The following PCM1 variants were observed in gnomAD, a reference collection of about 807,000 sequenced individuals.
PCM1 encodes the protein pericentriolar material 1, also known as pericentriolar material 1 protein.
A neutral mutation model predicts 241.9 loss-of-function variants in PCM1; 157 were observed. The observed-to-expected ratio is 0.65, with a 90% CI of 0.57 to 0.74. The LOEUF (loss-of-function observed/expected upper bound fraction) is 0.74, where lower values mean the gene tolerates loss of function less well. PCM1 is among the 30% of genes least tolerant of loss of function. PCM1 has a pLI of 0.00. For missense variants in PCM1, 3,478 were observed against 2,360.1 expected (o/e 1.47, Z -9.81); for synonymous variants, 1,085 against 784.9 (o/e 1.38, Z -6.39).
Position 17,960,747 on chromosome 8 carries a change from A to T in PCM1, c.2322+303A>T, listed in dbSNP as rs113094956. On this transcript the variant is annotated intron_variant, in intron 15 of 38. Coordinates refer to ENST00000325083, the MANE Select transcript of PCM1 (RefSeq NM_006197.4). ...CACAGTGTTAGCCAGGATGGTTTCGATCTCCTGACCTCGTGATTCGCCCGT... is the reference window on the plus strand; with the variant it reads ...CACAGTGTTAGCCAGGATGGTTTCGTTCTCCTGACCTCGTGATTCGCCCGT... Among the ~76,000 whole-genome samples, 174 of 151,900 alleles carry T rather than the reference A, an allele frequency of 1.1e-3. 1 individual carries two copies. Among genetic ancestry groups the T allele is most frequent in the African/African-American group, 3.9e-3 (160 of 41,430 alleles).
At chr8:17,980,895 A>C in intron 24 of PCM1, 140 bp downstream of exon 24, 1 of 550,324 alleles carries the variant, frequency 1.8e-6, no homozygotes, top group Non-Finnish European at 3.1e-6. Context: ...TATAGTACAC[A>C]TTCCTTGATA....
chr8:17,957,463 C>G (rs2069108333), intron 12 of PCM1, 42 bp downstream of exon 12: 1 of 1,607,722 alleles, frequency 6.2e-7, no homozygotes, highest in South Asian at 1.1e-5. Flanking sequence ...CTGTGTTATT[C>G]TTACAAAGTG....
chr8:17,926,526 C>T (rs1048498368), intron 2 of PCM1: 2 of 152,142 alleles, frequency 1.3e-5, no homozygotes, highest in African/African-American at 4.8e-5. Context: ...TGTAGTATAT[C>T]TTAATAGTGA....
chr8:17,983,437 T>G (rs1017640608), intron 24 of PCM1: 2 of 330,816 alleles, frequency 6.0e-6, no homozygotes, highest in African/African-American at 2.2e-5. Flanking sequence ...TTTATATTCA[T>G]AAAATTCTGA....
At chr8:17,999,112 G>A (rs774709937) in intron 29 of PCM1, among the ~76,000 whole-genome samples, 14 of 152,014 alleles carry the variant, frequency 9.2e-5, no homozygotes, top group Non-Finnish European at 1.8e-4. Context: ...CTCGAATTGC[G>A]GATCCCAGGA....
At chr8:17,941,341 C>T (rs1046052689) in intron 6 of PCM1, among the ~76,000 whole-genome samples, 3 of 151,932 alleles carry the variant, frequency 2.0e-5, no homozygotes, top group South Asian at 2.1e-4. Context: ...TATAAAATGA[C>T]GGTATGAAAG....
In PCM1 at chr8:17,938,851, A is replaced by G; in HGVS notation, c.454A>G (p.Lys152Glu). Residue 152 changes from lysine (K) to glutamate (E), a missense_variant, in exon 5 of 39, where the codon AAG becomes GAG. Transcript: ENST00000325083. ...TTTGCCTATGCAGATTAATACTAAC[A>G]AGAGCAAAGATGCATCTACAAACCC... ...NFLPMQINTNKSKDASTNPPN... is the reference protein window; with the variant it reads ...NFLPMQINTNESKDASTNPPN... 6.2e-7 allele frequency: 1 copy of G among 1,613,682 alleles called. No individual in the cohort carries two copies. Among genetic ancestry groups the G allele is most frequent in the Non-Finnish European group, 8.5e-7 (1 of 1,179,586 alleles).
In PCM1 at chr8:17,957,765, C is replaced by A; in HGVS notation, c.2030C>A (p.Ala677Asp). Residue 677 changes from alanine (A) to aspartate (D), a missense_variant, in exon 13 of 39, where the codon GCT (alanine) becomes GAT (aspartate). Coordinates refer to ENST00000325083, the MANE Select transcript of PCM1 (RefSeq NM_006197.4). ...CTTAGACAGTTACAAGATCTTGTTG[C>A]TATGGTACAGGTAAATATTGCTTGG... ...QKLRQLQDLV[A>D]MVQDDDAAQG... 1 of 1,608,544 alleles carries A rather than the reference C, an allele frequency of 6.2e-7. No homozygotes were observed. The highest frequency in any genetic ancestry group is 1.1e-5 in the South Asian group (1 of 90,934).
At chr8:17,958,587 A>AT (rs199728190) in intron 13 of PCM1, among the ~76,000 whole-genome samples, 2,243 of 152,182 alleles carry the variant, frequency 0.015, 35 homozygotes, top group South Asian at 0.027. Context: ...ATATATATAT[A>AT]AAAATCATAT....
At position 18,006,290 on chromosome 8, in the gene PCM1, C is replaced by A; in HGVS notation, c.4855C>A (p.Gln1619Lys). 6.2e-7 allele frequency: 1 copy of A among 1,610,986 alleles called. No individual in the cohort carries two copies. The highest frequency in any genetic ancestry group is 2.2e-5 in the East Asian group (1 of 44,844). Reference sequence around the variant, plus strand: ...GCACATGGATGAAGTATGCTCCTCGCAGCTTCTAACTTCAGTAAGGCGCAT... The same window carrying A: ...GCACATGGATGAAGTATGCTCCTCGAAGCTTCTAACTTCAGTAAGGCGCAT... ...KEHMDEVCSS[Q>K]LLTSVRRMVL... is the part of the protein sequence containing the mutation. The change falls in exon 30 of 39, where the codon CAG (glutamine) becomes AAG (lysine). Residue 1619 changes from glutamine to lysine, a missense_variant. Physicochemically the swap from Gln to Lys is moderately conservative, Grantham distance 53. Transcript: ENST00000325083.
At position 18,028,141 on chromosome 8, in the gene PCM1, G is replaced by C. The variant is rs1287335243; in HGVS notation, c.*479G>C. 5.0e-6 allele frequency: 1 copy of C among 198,058 alleles called. No homozygotes were observed. The highest frequency in any genetic ancestry group is 1.0e-5 in the Non-Finnish European group (1 of 95,840). 12.3% of individuals were successfully genotyped at this position (198,058 alleles called of 1,614,324 possible). A position where few individuals can be genotyped will look rare whatever the true frequency, so the allele number is the denominator to read the frequency against. ...TCCAACTAATGCCAGTGTTGCTGCT[G>C]TTGGGTCTGATGTTCTTCTTTTAGA... On this transcript the variant is annotated 3_prime_UTR_variant, in exon 39 of 39. Transcript: ENST00000325083.
chr8:17,935,387 T>A (rs757699512), intron 2 of PCM1, among the ~76,000 whole-genome samples: 4 of 152,204 alleles, frequency 2.6e-5, no homozygotes, highest in Non-Finnish European at 5.9e-5. Flanking sequence ...TCCTTCTCTG[T>A]CATTCCAACT....
At chr8:17,961,304 C>CTTTTTTTTTTTT (rs35468848) in intron 15 of PCM1, among the ~76,000 whole-genome samples, 5 of 79,140 alleles carry the variant, frequency 6.3e-5, no homozygotes, top group African/African-American at 1.6e-4. Flanking sequence ...TATTGGCTAG[C>CTTTTTTTTTTTT]TTTTTTTTTT....
At position 17,926,809 on chromosome 8, in the gene PCM1, A is replaced by G. The variant is rs1339085476; in HGVS notation, c.-23+2029A>G. Reference sequence around the variant, plus strand: ...GAAGGCTAAGAGCAGTTTCAGCAGGAATCAAGTGAGAGAAGTAGAATGCAA... The same window carrying G: ...GAAGGCTAAGAGCAGTTTCAGCAGGGATCAAGTGAGAGAAGTAGAATGCAA... On this transcript the variant is annotated intron_variant, in intron 2 of 38. Transcript: ENST00000325083. 2.0e-5 allele frequency: 3 copies of G among 152,220 alleles called. 1 individual carries two copies. The highest frequency in any genetic ancestry group is 4.4e-5 in the Non-Finnish European group (3 of 68,072). 9.4% of individuals were successfully genotyped at this position (152,220 alleles called of 1,614,324 possible). A position where few individuals can be genotyped will look rare whatever the true frequency, so the allele number is the denominator to read the frequency against.
chr8:18,006,025 G>C lies in PCM1; in HGVS notation c.4828-238G>C, dbSNP rs143184405. On this transcript the variant is annotated intron_variant, in intron 29 of 38. Coordinates refer to ENST00000325083, the MANE Select transcript of PCM1 (RefSeq NM_006197.4). ...GTGCTGAAAAGTACTGGATCAGCCA[G>C]TTCTTTTACTGGCCATCATCTGCTT... is the stretch of plus-strand genomic sequence containing the variant. 252 of 410,826 alleles carry C rather than the reference G, an allele frequency of 6.1e-4. 1 individual carries two copies. The highest frequency in any genetic ancestry group is 4.8e-3 in the African/African-American group (237 of 49,428). 25.4% of individuals were successfully genotyped at this position (410,826 alleles called of 1,614,324 possible). A position where few individuals can be genotyped will look rare whatever the true frequency, so the allele number is the denominator to read the frequency against.
At chr8:17,968,762 G>GTGTGTGTGTGTGTGTGTGTA (rs373502456) in intron 21 of PCM1, among the ~76,000 whole-genome samples, 7 of 136,782 alleles carry the variant, frequency 5.1e-5, no homozygotes, top group African/African-American at 1.9e-4. Flanking sequence ...GTGTGTGTGT[G>GTGTGTGTGTGTGTGTGTGTA]TATATATATA....
chr8:17,944,571 T>G (rs777809555), intron 6 of PCM1, among the ~76,000 whole-genome samples: 1 of 152,166 alleles, frequency 6.6e-6, no homozygotes, highest in Non-Finnish European at 1.5e-5. Context: ...ATATAGTTGG[T>G]GAAAGTGACT....
At chr8:17,961,745 T>C (rs545893423) in intron 15 of PCM1, among the ~76,000 whole-genome samples, 2 of 152,310 alleles carry the variant, frequency 1.3e-5, no homozygotes, top group South Asian at 2.1e-4. Flanking sequence ...ATCTAAATAA[T>C]GTCTAGAGAA....
At position 17,928,022 on chromosome 8, in the gene PCM1, C is replaced by T. The variant is rs2057677509; in HGVS notation, c.-23+3242C>T. On this transcript the variant is annotated intron_variant, in intron 2 of 38. Transcript: ENST00000325083. ...ACAGTTTCAACTTCGTTTAGTAAGG[C>T]ATAGCATGAGTAGAAGTGCGTGTTT... 3 of 150,804 alleles carry T rather than the reference C, an allele frequency of 2.0e-5. No individual in the cohort carries two copies. In the South Asian group the frequency reaches 6.3e-4, roughly 31 times the overall value. The allele number at this position is 150,804 out of a possible 1,614,324, so 9.3% of individuals were successfully genotyped here.
Sources: gnomAD v4.1 joint callset for allele counts (sites outside exome capture counted in the v4.1 genomes callset) on GRCh38, gnomAD v4.1.1 for gene constraint, MANE v1.5 for transcripts, NCBI Gene and HGNC (gene_info 2026-07-23, HGNC 2026-07-21) for gene names.